Variants in ERP44 observed in about 807,000 individuals in gnomAD.
ERP44 encodes endoplasmic reticulum resident protein 44.
In ERP44, 25 loss-of-function variants were observed where a neutral mutation model predicts 53.4. That is an observed-to-expected ratio of 0.47 (90% confidence interval 0.34 to 0.65). The LOEUF (loss-of-function observed/expected upper bound fraction) is 0.65, where lower values mean the gene tolerates loss of function less well. Ranked by LOEUF, ERP44 falls within the 30% of genes least tolerant of loss-of-function variation. ERP44 has a pLI of 0.01. For synonymous variants in ERP44, 145 were observed against 161.2 expected (o/e 0.90, Z 0.76); for missense variants, 338 against 493.2 (o/e 0.69, Z 2.98).
At chr9:100,001,535 T>A (rs373211517) in intron 10 of ERP44, among the ~76,000 whole-genome samples, 1 of 152,220 alleles carries the variant, frequency 6.6e-6, no homozygotes, top group African/African-American at 2.4e-5. Context: ...TGCAGATATA[T>A]TTGTAATTAT....
intron 1 of ERP44, among the ~76,000 whole-genome samples, chr9:100,079,680 T>C (rs911912379): frequency 6.6e-6 from 1 of 152,128 alleles, no homozygotes; most frequent in Non-Finnish European, 1.5e-5. Flanking sequence ...CAGTGGCTCA[T>C]GCCTATAATC....
intron 1 of ERP44, among the ~76,000 whole-genome samples, 198 bp downstream of exon 1, chr9:100,098,586 C>A (rs776798341): frequency 2.0e-5 from 3 of 152,208 alleles, no homozygotes; most frequent in Non-Finnish European, 4.4e-5. Flanking sequence ...CCATTCTCCC[C>A]CGACACTGGT....
At chr9:100,083,401 G>A (rs1826448262) in intron 1 of ERP44, among the ~76,000 whole-genome samples, 1 of 152,130 alleles carries the variant, frequency 6.6e-6, no homozygotes, top group Admixed American at 6.5e-5. Context: ...AAAGCAAGGT[G>A]TATATAAAAT....
intron 1 of ERP44, 40 bp from the exon 2 acceptor site, chr9:100,060,212 C>T: frequency 2.8e-6 from 4 of 1,412,336 alleles, no homozygotes; most frequent in Non-Finnish European, 3.7e-6. Context: ...AATGTGTCCA[C>T]AAAAGACAAA....
chr9:99,998,444 G>T, intron 10 of ERP44: 2 of 660,954 alleles, frequency 3.0e-6, no homozygotes, highest in East Asian at 2.7e-5. Flanking sequence ...CTTTCTGGGT[G>T]CCGGACCGTC....
intron 8 of ERP44, among the ~76,000 whole-genome samples, chr9:100,010,166 T>C (rs573825024): frequency 1.6e-4 from 24 of 152,194 alleles, no homozygotes; most frequent in Non-Finnish European, 2.8e-4. Flanking sequence ...GCTAAATAGG[T>C]GGTAATTCAT....
chr9:100,015,938 C>T (rs777303005), intron 8 of ERP44, among the ~76,000 whole-genome samples: 1 of 152,166 alleles, frequency 6.6e-6, no homozygotes, highest in East Asian at 1.9e-4. Context: ...AATGCTCTCT[C>T]GCTGGGCAGC....
At chr9:100,081,379 G>C (rs776529533) in intron 1 of ERP44, among the ~76,000 whole-genome samples, 12 of 152,102 alleles carry the variant, frequency 7.9e-5, no homozygotes, top group Non-Finnish European at 1.6e-4. Context: ...TACAATGACA[G>C]TGTAATAGTT....
intron 10 of ERP44, among the ~76,000 whole-genome samples, chr9:99,994,593 T>C (rs1564085175): frequency 6.6e-6 from 1 of 152,076 alleles, no homozygotes; most frequent in Non-Finnish European, 1.5e-5. Context: ...ATGGCATACA[T>C]ATACATAAGT....
chr9:100,018,510 T>C (rs138365080), intron 6 of ERP44, among the ~76,000 whole-genome samples, 197 bp from the exon 7 acceptor site: 71 of 152,314 alleles, frequency 4.7e-4, no homozygotes, highest in African/African-American at 1.6e-3. Context: ...TGTTTTTGTG[T>C]TTTGTGTAAG....
chr9:100,021,164 GC>G (rs1387260286), intron 5 of ERP44, among the ~76,000 whole-genome samples: 1 of 152,114 alleles, frequency 6.6e-6, no homozygotes, highest in Non-Finnish European at 1.5e-5. Flanking sequence ...CTTTATCCAG[GC>G]CATTTCTCAG....
chr9:99,988,071 T>C (rs995288843), intron 10 of ERP44, among the ~76,000 whole-genome samples: 1 of 152,234 alleles, frequency 6.6e-6, no homozygotes, highest in South Asian at 2.1e-4. Flanking sequence ...TGTATCATGT[T>C]GTAATCCACC....
At chr9:100,004,040 T>C (rs1473710023) in intron 10 of ERP44, among the ~76,000 whole-genome samples, 1 of 151,982 alleles carries the variant, frequency 6.6e-6, no homozygotes, top group South Asian at 2.1e-4. Context: ...TGTAGGATCA[T>C]GGTTGCTGGC....
intron 7 of ERP44, among the ~76,000 whole-genome samples, chr9:100,017,445 G>A (rs995160848): frequency 6.6e-6 from 1 of 152,106 alleles, no homozygotes; most frequent in African/African-American, 2.4e-5. Flanking sequence ...ATAGGTACTG[G>A]ATTCTGATAA....
chr9:100,054,050 G>A (rs1826064661), intron 3 of ERP44, among the ~76,000 whole-genome samples: 1 of 152,026 alleles, frequency 6.6e-6, no homozygotes, highest in Non-Finnish European at 1.5e-5. Context: ...ACTTCCTAAG[G>A]AGATGTCCTA....
Position 100,026,267 on chromosome 9 carries a change from C to T in ERP44, c.287-4041G>A, listed in dbSNP as rs192188621. On this transcript the variant is annotated intron_variant, in intron 4 of 11. Coordinates refer to ENST00000262455, the MANE Select transcript of ERP44 (RefSeq NM_015051.3). ...TGGCCTCCTGGTACTTAGGAGACAACGTCTACTTTGGAAAGGACCTGCAAC... is the reference window on the plus strand; with the variant it reads ...TGGCCTCCTGGTACTTAGGAGACAATGTCTACTTTGGAAAGGACCTGCAAC... Among the ~76,000 whole-genome samples, 7 of 152,250 alleles carry T rather than the reference C, an allele frequency of 4.6e-5. No individual in the cohort carries two copies. The East Asian group carries it at 7.7e-4, about 17-fold the overall frequency.
At chr9:100,080,699 G>C (rs147510514) in intron 1 of ERP44, among the ~76,000 whole-genome samples, 142 of 152,286 alleles carry the variant, frequency 9.3e-4, no homozygotes, top group African/African-American at 3.4e-3. Flanking sequence ...TGGATGAAGA[G>C]AGTAGTGAAT....
intron 10 of ERP44, among the ~76,000 whole-genome samples, chr9:99,990,955 A>G (rs538337189): frequency 1.9e-4 from 29 of 152,370 alleles, no homozygotes; most frequent in African/African-American, 6.5e-4. Flanking sequence ...CAAATCAACA[A>G]GAAGAGCTAA....
rs1159762513 is a variant in ERP44 at position 100,016,449 on chromosome 9, A to T, written c.646-11T>A. 4 of 1,581,370 alleles carry T rather than the reference A, an allele frequency of 2.5e-6. No homozygotes were observed. In the South Asian group the frequency reaches 4.7e-5, roughly 19 times the overall value. Reference sequence around the variant, plus strand: ...ATCCGGAGCAGAATGCTATTACAAAACAGAAAAAAAAAATTAAATCTAACC... The same window carrying T: ...ATCCGGAGCAGAATGCTATTACAAATCAGAAAAAAAAAATTAAATCTAACC... On this transcript the variant is annotated splice_polypyrimidine_tract_variant and intron_variant, in intron 7 of 11. Transcript: ENST00000262455.
Sources: allele counts gnomAD v4.1 joint callset (sites outside exome capture counted in the v4.1 genomes callset), GRCh38; gene constraint gnomAD v4.1.1; transcripts MANE v1.5; gene names NCBI Gene and HGNC (gene_info 2026-07-23, HGNC 2026-07-21).